CDH4: variants seen among roughly 807,000 people sequenced by gnomAD.
CDH4 encodes cadherin 4.
A neutral mutation model predicts 86.0 loss-of-function variants in CDH4; 33 were observed. That is an observed-to-expected ratio of 0.38 (90% CI 0.29 to 0.51). The LOEUF (loss-of-function observed/expected upper bound fraction) is 0.51, where lower values mean the gene tolerates loss of function less well. Ranked by LOEUF, CDH4 falls within the 20% of genes least tolerant of loss-of-function variation. The pLI is 0.86. For missense variants in CDH4, 1,114 were observed against 1,307.4 expected (o/e 0.85, Z 2.28); for synonymous variants, 555 against 549.4 (o/e 1.01, Z -0.14).
intron 11 of CDH4, 106 bp from the exon 12 acceptor site, chr20:61,928,084 T>C (rs1281227768): frequency 8.2e-6 from 7 of 857,528 alleles, no homozygotes; most frequent in African/African-American, 4.9e-5. Context: ...CATGTGTCCC[T>C]GTGTATGTTG....
At chr20:61,314,383 C>A (rs1225282373) in intron 2 of CDH4, among the ~76,000 whole-genome samples, 1 of 152,198 alleles carries the variant, frequency 6.6e-6, no homozygotes, top group Non-Finnish European at 1.5e-5. Context: ...CTTTCTGGGC[C>A]TGGCTTGTTT....
chr20:61,851,913 G>C (rs569579385), intron 5 of CDH4, among the ~76,000 whole-genome samples: 65 of 152,366 alleles, frequency 4.3e-4, no homozygotes, highest in African/African-American at 1.5e-3. Flanking sequence ...CAGTAATCTA[G>C]GGTCCAGCCC....
intron 2 of CDH4, among the ~76,000 whole-genome samples, chr20:61,388,186 T>G (rs1457983993): frequency 6.6e-6 from 1 of 152,114 alleles, no homozygotes; most frequent in Non-Finnish European, 1.5e-5. Context: ...TGGTCCACAT[T>G]TCTGCAGGCT....
intron 2 of CDH4, among the ~76,000 whole-genome samples, chr20:61,688,574 A>G (rs1191056260): frequency 6.6e-6 from 1 of 152,212 alleles, no homozygotes; most frequent in Non-Finnish European, 1.5e-5. Context: ...GCACTGGGAC[A>G]CAGGCTGGAG....
rs142515586 is a variant in CDH4, at chr20:61,640,271, C to G, written c.170-103292C>G. On this transcript the variant is annotated intron_variant, in intron 2 of 15. Coordinates refer to ENST00000614565, the MANE Select transcript of CDH4 (RefSeq NM_001794.5). Reference sequence around the variant, plus strand: ...ACTGGAAGCCAGCTCAGAGAGCACGCACAGCAGCAACGTCACGTGCCTCGG... The same window carrying G: ...ACTGGAAGCCAGCTCAGAGAGCACGGACAGCAGCAACGTCACGTGCCTCGG... 8.9e-3 allele frequency among the ~76,000 whole-genome samples: 1,362 copies of G among 152,342 alleles called. 18 individuals carry two copies. Among genetic ancestry groups the G allele is most frequent in the African/African-American group, 0.032 (1,317 of 41,572 alleles).
chr20:61,841,844 G>A (rs1226517834), intron 4 of CDH4, among the ~76,000 whole-genome samples: 1 of 152,136 alleles, frequency 6.6e-6, no homozygotes, highest in Non-Finnish European at 1.5e-5. Context: ...CCCCCTATTG[G>A]CACTGACCCC....
At chr20:61,583,157 A>G (rs1391351109) in intron 2 of CDH4, among the ~76,000 whole-genome samples, 9 of 56,758 alleles carry the variant, frequency 1.6e-4, no homozygotes, top group Admixed American at 2.3e-4. Flanking sequence ...CTGCGGAGGG[A>G]CAGAGGGCTC....
chr20:61,567,212 G>C (rs1219262049), intron 2 of CDH4, among the ~76,000 whole-genome samples: 5 of 152,192 alleles, frequency 3.3e-5, no homozygotes, highest in African/African-American at 1.2e-4. Context: ...CTGTCTCCGA[G>C]CCCCCCAGGA....
chr20:61,929,705 CCAA>C lies in CDH4; in HGVS notation c.2105_2107del (p.Asn702del). ...ACAGACTCTGGAAACCCTCCCCTGT[CCAA>C]CACGTCCATCATCAAAGTCAAGGTG... is the stretch of plus-strand genomic sequence containing the variant. On this transcript the variant is annotated inframe_deletion, in exon 13 of 16. Transcript: ENST00000614565. The C allele has an allele frequency of 6.2e-7, 1 of 1,614,196 alleles. No individual in the cohort carries two copies.
intron 2 of CDH4, among the ~76,000 whole-genome samples, chr20:61,462,082 G>A (rs1246960143): frequency 1.3e-5 from 2 of 152,224 alleles, no homozygotes; most frequent in Admixed American, 6.5e-5. Context: ...ATGGTAGCTG[G>A]ATTAATGAAT....
intron 2 of CDH4, among the ~76,000 whole-genome samples, chr20:61,534,648 C>CTTTCTTTTTTTTTTTTTTTT (rs1568881693): frequency 3.7e-5 from 4 of 108,382 alleles, no homozygotes; most frequent in African/African-American, 1.6e-4. Context: ...TTCTTTCTTT[C>CTTTCTTTTTTTTTTTTTTTT]TTTTCTTTCT....
At chr20:61,457,915 C>G (rs200878956) in intron 2 of CDH4, among the ~76,000 whole-genome samples, 3,726 of 134,206 alleles carry the variant, frequency 0.028, 187 homozygotes, top group African/African-American at 0.099. Context: ...ATGGTCATGA[C>G]GGTGATGGCA....
At chr20:61,314,727 T>C (rs1476861699) in intron 2 of CDH4, among the ~76,000 whole-genome samples, 1 of 152,182 alleles carries the variant, frequency 6.6e-6, no homozygotes, top group Non-Finnish European at 1.5e-5. Context: ...TCCCAATTTA[T>C]CTTCCCAGCA....
intron 2 of CDH4, among the ~76,000 whole-genome samples, chr20:61,420,962 G>A (rs1568837837): frequency 6.6e-6 from 1 of 152,388 alleles, no homozygotes; most frequent in Non-Finnish European, 1.5e-5. Context: ...ACAGAGTGTG[G>A]CATGTTCCAT....
At chr20:61,536,812 A>C (rs1340314425) in intron 2 of CDH4, among the ~76,000 whole-genome samples, 1 of 152,118 alleles carries the variant, frequency 6.6e-6, no homozygotes, top group African/African-American at 2.4e-5. Context: ...CACACCCCAC[A>C]GTGACGAGAG....
chr20:61,326,875 C>T (rs2084539781), intron 2 of CDH4, among the ~76,000 whole-genome samples: 1 of 152,206 alleles, frequency 6.6e-6, no homozygotes, highest in East Asian at 1.9e-4. Context: ...AATCCTCAGA[C>T]TCAGCAAGAG....
intron 2 of CDH4, among the ~76,000 whole-genome samples, chr20:61,334,764 T>G (rs2123270826): frequency 6.6e-6 from 1 of 152,364 alleles, no homozygotes; most frequent in Non-Finnish European, 1.5e-5. Flanking sequence ...CCTCGCCTCC[T>G]GGGGTGGAAG....
chr20:61,853,459 G>C (rs1446610897), intron 6 of CDH4, among the ~76,000 whole-genome samples: 1 of 152,160 alleles, frequency 6.6e-6, no homozygotes, highest in Non-Finnish European at 1.5e-5. Flanking sequence ...GAGGCTGTCT[G>C]CTCCCCTCAG....
Position 61,252,918 on chromosome 20 carries a change from G to C in CDH4, c.57+348G>C, listed in dbSNP as rs1229224133. Among the ~76,000 whole-genome samples the C allele has an allele frequency of 6.6e-6, 1 of 151,830 alleles. No individual in the cohort carries two copies. Among genetic ancestry groups the C allele is most frequent in the Non-Finnish European group, 1.5e-5 (1 of 67,914 alleles). Reference sequence around the variant, plus strand: ...CTGCATGGGGCAGGCTTCCACTGGCGGAGCCGGCGCGCCCTCCATCGCCCG... The same window carrying C: ...CTGCATGGGGCAGGCTTCCACTGGCCGAGCCGGCGCGCCCTCCATCGCCCG... On this transcript the variant is annotated intron_variant, in intron 1 of 15. Coordinates refer to ENST00000614565, the MANE Select transcript of CDH4 (RefSeq NM_001794.5). This position sits in a 1 kb window ranked among gnomAD's most constrained non-coding sequence, Gnocchi z 4.4.
Sources: allele counts gnomAD v4.1 joint callset (sites outside exome capture counted in the v4.1 genomes callset), GRCh38; gene constraint gnomAD v4.1.1; non-coding constraint Gnocchi (gnomAD v3.1); transcripts MANE v1.5; gene names NCBI Gene and HGNC (gene_info 2026-07-23, HGNC 2026-07-21).